The following MACROD2 variants were observed in gnomAD, a reference collection of about 807,000 sequenced individuals.
MACROD2 encodes the protein ADP-ribose glycohydrolase MACROD2.
A neutral mutation model predicts 70.4 loss-of-function variants in MACROD2; 36 were observed. The ratio of observed to expected loss-of-function variants is 0.51; its 90% CI spans 0.39 to 0.68. MACROD2 has a LOEUF of 0.68. MACROD2 is among the 30% of genes least tolerant of loss of function. The pLI is 0.00. For missense variants in MACROD2, 496 were observed against 538.4 expected (o/e 0.92, Z 0.78); for synonymous variants, 172 against 178.8 (o/e 0.96, Z 0.30).
At chr20:15,559,178 G>C (rs2048207998) in intron 8 of MACROD2, among the ~76,000 whole-genome samples, 2 of 132,824 alleles carry the variant, frequency 1.5e-5, no homozygotes, top group Non-Finnish European at 3.1e-5. Context: ...AGTGAGTCGA[G>C]ATCGCGCCAC....
chr20:14,684,797 A>G (rs1371175498), intron 4 of MACROD2, 46 bp from the exon 5 acceptor site: 3 of 1,487,610 alleles, frequency 2.0e-6, no homozygotes, highest in Non-Finnish European at 2.8e-6. Flanking sequence ...CTTTATATTT[A>G]TTTCCAAATG....
At chr20:15,717,977 C>T (rs1279808891) in intron 8 of MACROD2, among the ~76,000 whole-genome samples, 1 of 151,034 alleles carries the variant, frequency 6.6e-6, no homozygotes, top group Non-Finnish European at 1.5e-5. Flanking sequence ...GAAATGTCCT[C>T]ATAGCATGTT....
chr20:15,185,914 A>G (rs2076531844), intron 5 of MACROD2, among the ~76,000 whole-genome samples: 1 of 152,168 alleles, frequency 6.6e-6, no homozygotes, highest in East Asian at 1.9e-4. Flanking sequence ...ACGTTTAGGA[A>G]TGCAGTATTA....
At chr20:14,121,204 G>A (rs2054584752) in intron 3 of MACROD2, among the ~76,000 whole-genome samples, 3 of 152,086 alleles carry the variant, frequency 2.0e-5, no homozygotes, top group Admixed American at 2.0e-4. Context: ...AGATTAGGAG[G>A]TAGAAAGTGA....
chr20:15,432,108 G>T (rs968568038), intron 7 of MACROD2, among the ~76,000 whole-genome samples: 1 of 151,906 alleles, frequency 6.6e-6, no homozygotes, highest in Non-Finnish European at 1.5e-5. Context: ...TAATGTTAAA[G>T]ATTTTCTGAT....
At chr20:14,691,783 C>T (rs759506133) in intron 5 of MACROD2, among the ~76,000 whole-genome samples, 16 of 152,076 alleles carry the variant, frequency 1.1e-4, no homozygotes, top group Non-Finnish European at 1.9e-4. Flanking sequence ...TTGATGAAGA[C>T]CTGAGGGCCC....
At chr20:15,709,922 C>G (rs2050599155) in intron 8 of MACROD2, among the ~76,000 whole-genome samples, 1 of 152,052 alleles carries the variant, frequency 6.6e-6, no homozygotes, top group African/African-American at 2.4e-5. Context: ...TAGCAAGTCT[C>G]TCACTAACCC....
At chr20:14,102,436 A>G (rs994271349) in intron 3 of MACROD2, among the ~76,000 whole-genome samples, 4 of 152,198 alleles carry the variant, frequency 2.6e-5, no homozygotes, top group African/African-American at 9.6e-5. Context: ...ATCTAAATAA[A>G]CAATTAACAG....
chr20:15,387,480 T>C (rs909433019), intron 6 of MACROD2, among the ~76,000 whole-genome samples: 1 of 151,632 alleles, frequency 6.6e-6, no homozygotes, highest in African/African-American at 2.4e-5. Context: ...TCACTGTCTC[T>C]CTTTCTCCCC....
In MACROD2 at chr20:14,960,697, G is replaced by T. The variant is rs1055682585; in HGVS notation, c.419-269243G>T. Among the ~76,000 whole-genome samples, 3 of 152,004 alleles carry T rather than the reference G, an allele frequency of 2.0e-5. No homozygotes were observed. In the East Asian group the frequency reaches 5.8e-4, roughly 29 times the overall value. On this transcript the variant is annotated intron_variant, in intron 5 of 17. Coordinates refer to ENST00000684519, the MANE Select transcript of MACROD2 (RefSeq NM_001351661.2). ...GAATTCAGGGGAAGAACAGGTTTCT[G>T]GTTTCTCATTATTTCTAGGGGTAGA...
intron 3 of MACROD2, among the ~76,000 whole-genome samples, chr20:14,463,570 A>G (rs1023298494): frequency 2.6e-5 from 4 of 151,998 alleles, no homozygotes; most frequent in Non-Finnish European, 4.4e-5. Context: ...TTCCAACACT[A>G]TGTTGAATAG....
intron 8 of MACROD2, among the ~76,000 whole-genome samples, chr20:15,535,635 G>C (rs1427655332): frequency 6.6e-6 from 1 of 152,186 alleles, no homozygotes; most frequent in Non-Finnish European, 1.5e-5. Flanking sequence ...ACAGAAGAGA[G>C]TGAGCCACAA....
intron 8 of MACROD2, among the ~76,000 whole-genome samples, chr20:15,553,980 A>T (rs1026400476): frequency 5.3e-5 from 8 of 152,142 alleles, no homozygotes; most frequent in Non-Finnish European, 1.2e-4. Context: ...TCACATGGCC[A>T]CTCTGCAGAC....
intron 8 of MACROD2, among the ~76,000 whole-genome samples, chr20:15,822,272 C>T (rs1286238776): frequency 6.6e-6 from 1 of 152,122 alleles, no homozygotes; most frequent in Non-Finnish European, 1.5e-5. Context: ...TACCAGACAA[C>T]AGATCTAAAA....
chr20:14,022,743 C>T (rs918408973), intron 2 of MACROD2, among the ~76,000 whole-genome samples: 2 of 152,146 alleles, frequency 1.3e-5, no homozygotes, highest in African/African-American at 4.8e-5. Context: ...TGGTTTCCAG[C>T]TTCATCCATG....
intron 8 of MACROD2, among the ~76,000 whole-genome samples, chr20:15,659,073 G>T (rs576965898): frequency 6.6e-6 from 1 of 152,104 alleles, no homozygotes; most frequent in Non-Finnish European, 1.5e-5. Flanking sequence ...GTTTTGGGAG[G>T]ATGGAATATA....
intron 3 of MACROD2, among the ~76,000 whole-genome samples, chr20:14,239,370 T>C (rs1026520326): frequency 2.0e-5 from 3 of 152,196 alleles, no homozygotes; most frequent in Non-Finnish European, 2.9e-5. Flanking sequence ...TTAGAGAAAC[T>C]GTTTTAAAAT....
At chr20:14,809,625 C>CA (rs2072684141) in intron 5 of MACROD2, among the ~76,000 whole-genome samples, 2 of 151,672 alleles carry the variant, frequency 1.3e-5, no homozygotes, top group South Asian at 2.1e-4. Context: ...AAAAACTCTT[C>CA]AAAAAAATCA....
At chr20:16,013,053 G>A (rs1322896646) in intron 15 of MACROD2, among the ~76,000 whole-genome samples, 1 of 152,066 alleles carries the variant, frequency 6.6e-6, no homozygotes, top group East Asian at 1.9e-4. Flanking sequence ...GGTGGCGTGT[G>A]CCTGTAGTCC....
Sources: gnomAD v4.1 joint callset for allele counts (sites outside exome capture counted in the v4.1 genomes callset) on GRCh38, gnomAD v4.1.1 for gene constraint, MANE v1.5 for transcripts, NCBI Gene and HGNC (gene_info 2026-07-23, HGNC 2026-07-21) for gene names.